Variants in CDC27 observed in about 807,000 individuals in gnomAD.
The protein encoded by CDC27 is cell division cycle protein 27 homolog.
A neutral mutation model predicts 109.7 loss-of-function variants in CDC27; 27 were observed. That is an observed-to-expected ratio of 0.25 (90% CI 0.18 to 0.34). CDC27 has a LOEUF of 0.34. CDC27 is among the 10% of genes least tolerant of loss of function. The pLI is 1.00. For synonymous variants in CDC27, 266 were observed against 333.9 expected (o/e 0.80, Z 2.22); for missense variants, 579 against 960.2 (o/e 0.60, Z 5.25).
intron 12 of CDC27, among the ~76,000 whole-genome samples, chr17:47,139,461 G>T (rs1224470157): frequency 6.6e-6 from 1 of 151,506 alleles, no homozygotes; most frequent in Non-Finnish European, 1.5e-5. Flanking sequence ...TAGAGACAGG[G>T]TTTCACCATG....
chr17:47,145,324 G>A (rs2062922477), intron 9 of CDC27, among the ~76,000 whole-genome samples: 1 of 152,202 alleles, frequency 6.6e-6, no homozygotes, highest in Non-Finnish European at 1.5e-5. Context: ...GCAAGGCAGA[G>A]CACCAGAGAG....
chr17:47,165,265 C>T, intron 4 of CDC27, among the ~76,000 whole-genome samples: 1 of 152,120 alleles, frequency 6.6e-6, no homozygotes, highest in East Asian at 1.9e-4. Flanking sequence ...AATAAAGTTG[C>T]TATGAACTCC....
chr17:47,167,392 T>C (rs1442634063), intron 4 of CDC27, among the ~76,000 whole-genome samples: 3 of 152,220 alleles, frequency 2.0e-5, no homozygotes, highest in African/African-American at 4.8e-5. Context: ...CCAGTGTTTG[T>C]ACATCACTCC....
intron 16 of CDC27, among the ~76,000 whole-genome samples, chr17:47,128,771 A>ATTT (rs767267065): frequency 4.3e-5 from 6 of 139,786 alleles, no homozygotes; most frequent in African/African-American, 7.9e-5. Context: ...TTAATTTTTA[A>ATTT]TTTTTTTTTT....
In CDC27 at chr17:47,118,427, T is replaced by G. The variant is rs879175515; in HGVS notation, c.*2508A>C. The G allele has an allele frequency of 2.0e-5, 3 of 152,872 alleles. No homozygotes were observed. In the South Asian group the frequency reaches 6.2e-4, roughly 32 times the overall value. 9.5% of individuals were successfully genotyped at this position (152,872 alleles called of 1,614,324 possible). ...TAAAATCCCAGAGTTAAGAACCATT[T>G]CCAAGGGGAAAAACAAATCCAAGGC... On this transcript the variant is annotated 3_prime_UTR_variant, in exon 19 of 19. Coordinates refer to ENST00000066544, the MANE Select transcript of CDC27 (RefSeq NM_001256.6).
intron 16 of CDC27, among the ~76,000 whole-genome samples, chr17:47,128,202 TG>T (rs2062207904): frequency 6.6e-6 from 1 of 151,774 alleles, no homozygotes; most frequent in South Asian, 2.1e-4. Flanking sequence ...GGCTAATTTT[TG>T]TATTTTTGGT....
chr17:47,187,025 T>C (rs891167688), intron 1 of CDC27, among the ~76,000 whole-genome samples: 4 of 152,206 alleles, frequency 2.6e-5, no homozygotes, highest in African/African-American at 7.2e-5. Flanking sequence ...GTAGCCAAAG[T>C]TGCTTGTTCT....
At chr17:47,135,600 T>C (rs557626874) in intron 14 of CDC27, among the ~76,000 whole-genome samples, 3 of 152,166 alleles carry the variant, frequency 2.0e-5, no homozygotes, top group African/African-American at 7.2e-5. Flanking sequence ...AGAAAGGCTA[T>C]CTATTTTGTA....
At position 47,121,529 on chromosome 17, in the gene CDC27, C is replaced by G. The variant is rs1165879194; in HGVS notation, c.2393-512G>C. On this transcript the variant is annotated intron_variant, in intron 18 of 18. Transcript: ENST00000066544. ...CATAGCTCACTGCAGCCTCAAACTC[C>G]TGGGCTCAAGTGGTATGATTCTCCT... is the stretch of plus-strand genomic sequence containing the variant. Among the ~76,000 whole-genome samples the G allele has an allele frequency of 5.9e-5, 9 of 152,226 alleles. No homozygotes were observed. The East Asian group carries it at 1.7e-3, about 29-fold the overall frequency.
At chr17:47,146,916 A>C (rs1296185810) in intron 9 of CDC27, among the ~76,000 whole-genome samples, 3 of 152,040 alleles carry the variant, frequency 2.0e-5, no homozygotes, top group Non-Finnish European at 2.9e-5. Context: ...CTAAAAAAAA[A>C]TTAGCCATAT....
Position 47,127,208 on chromosome 17 carries a change from A to G in CDC27, c.2160+2185T>C, listed in dbSNP as rs544357932. Among the ~76,000 whole-genome samples, 7 of 152,288 alleles carry G rather than the reference A, an allele frequency of 4.6e-5. No individual in the cohort carries two copies. The East Asian group carries it at 1.3e-3, about 29-fold the overall frequency. ...AGCCTAGGAATTTGAGGCTTCAGTGAGCTATGATTGCACCACTGCACTCCA... is the reference window on the plus strand; with the variant it reads ...AGCCTAGGAATTTGAGGCTTCAGTGGGCTATGATTGCACCACTGCACTCCA... On this transcript the variant is annotated intron_variant, in intron 16 of 18. Transcript: ENST00000066544.
At chr17:47,135,984 C>CA (rs2062574251) in intron 14 of CDC27, among the ~76,000 whole-genome samples, 1 of 151,540 alleles carries the variant, frequency 6.6e-6, no homozygotes, top group Non-Finnish European at 1.5e-5. Flanking sequence ...ACTAAAAATA[C>CA]AAAAAAAATT....
chr17:47,154,661 A>T lies in CDC27; in HGVS notation c.957+11T>A. 1 of 1,411,094 alleles carries T rather than the reference A, an allele frequency of 7.1e-7. No homozygotes were observed. 87.4% of individuals were successfully genotyped at this position (1,411,094 alleles called of 1,614,324 possible). A position where few individuals can be genotyped will look rare whatever the true frequency, so the allele number is the denominator to read the frequency against. On this transcript the variant is annotated intron_variant, in intron 8 of 18. Transcript: ENST00000066544. ...AATCAATTCCCAAACTGCATTTTACATGGAAAATACCTTTTTTGAAGGGGC... is the reference window on the plus strand; with the variant it reads ...AATCAATTCCCAAACTGCATTTTACTTGGAAAATACCTTTTTTGAAGGGGC...
intron 1 of CDC27, among the ~76,000 whole-genome samples, chr17:47,182,499 C>T (rs551826058): frequency 6.6e-6 from 1 of 152,336 alleles, no homozygotes; most frequent in South Asian, 2.1e-4. Context: ...CTTGACCTTT[C>T]TCTTGGTTTT....
At chr17:47,158,583 A>T (rs1364523392) in intron 4 of CDC27, among the ~76,000 whole-genome samples, 1 of 151,734 alleles carries the variant, frequency 6.6e-6, no homozygotes, top group East Asian at 1.9e-4. Flanking sequence ...ATTGAGGGAG[A>T]TGTGAAAAAC....
intron 4 of CDC27, chr17:47,161,192 T>TA (rs1226791747): frequency 1.1e-3 from 140 of 131,168 alleles, no homozygotes; most frequent in Middle Eastern, 3.8e-3. Context: ...GCTGGCTAAT[T>TA]AAAAAAAAAA....
At chr17:47,159,454 C>T in intron 4 of CDC27, 1 of 663,132 alleles carries the variant, frequency 1.5e-6, no homozygotes. Flanking sequence ...GGCACACGTG[C>T]CAAGACGATG....
intron 14 of CDC27, among the ~76,000 whole-genome samples, chr17:47,134,237 C>CAATCA (rs558765347): frequency 4.6e-5 from 7 of 151,084 alleles, no homozygotes; most frequent in African/African-American, 7.3e-5. Context: ...CAAGCAAAAA[C>CAATCA]AATCAAATCA....
intron 4 of CDC27, among the ~76,000 whole-genome samples, chr17:47,160,593 T>C (rs1358800478): frequency 6.6e-6 from 1 of 152,162 alleles, no homozygotes; most frequent in Non-Finnish European, 1.5e-5. Flanking sequence ...ATTAAAGCAT[T>C]CAGGTAAAAA....
Sources: allele counts gnomAD v4.1 joint callset (sites outside exome capture counted in the v4.1 genomes callset), GRCh38; gene constraint gnomAD v4.1.1; transcripts MANE v1.5; gene names NCBI Gene and HGNC (gene_info 2026-07-23, HGNC 2026-07-21).